The following LANCL3 variants were observed in gnomAD, a reference collection of about 807,000 sequenced individuals.
The protein encoded by LANCL3 is lanC-like protein 3.
In LANCL3, 19 loss-of-function variants were observed where a neutral mutation model predicts 26.5. The observed-to-expected ratio is 0.72, with a 90% CI of 0.50 to 1.05. LANCL3 has a LOEUF of 1.05. Ranked by LOEUF, LANCL3 falls within the 50% of genes least tolerant of loss-of-function variation. The pLI, the probability that LANCL3 is intolerant of heterozygous loss-of-function variation, is 0.00. For synonymous variants in LANCL3, 160 were observed against 166.6 expected (o/e 0.96, Z 0.30); for missense variants, 318 against 362.7 (o/e 0.88, Z 1.00).
intron 1 of LANCL3, among the ~76,000 whole-genome samples, chrX:37,580,184 C>T (rs1236125705): frequency 9.0e-6 from 1 of 111,420 alleles, no homozygotes; most frequent in Non-Finnish European, 1.9e-5. Flanking sequence ...AGGCTGGGTT[C>T]AATTCCTAAT....
intron 3 of LANCL3, among the ~76,000 whole-genome samples, chrX:37,663,787 A>C (rs1926476116): frequency 9.0e-6 from 1 of 111,216 alleles, no homozygotes; most frequent in African/African-American, 3.3e-5. Context: ...GATTGGCTGT[A>C]ATACCCTCCT....
intron 1 of LANCL3, among the ~76,000 whole-genome samples, chrX:37,634,724 A>G (rs1925656426): frequency 8.9e-6 from 1 of 112,360 alleles, no homozygotes; most frequent in African/African-American, 3.2e-5. Context: ...TATTAGATTT[A>G]CTGATTTTGA....
chrX:37,628,199 C>T (rs1556423396), intron 1 of LANCL3, among the ~76,000 whole-genome samples: 1 of 111,526 alleles, frequency 9.0e-6, no homozygotes, highest in Non-Finnish European at 1.9e-5. Flanking sequence ...TATCATGTCT[C>T]TCTAAATATG....
chrX:37,639,109 G>A (rs147083869), intron 1 of LANCL3, among the ~76,000 whole-genome samples: 1,625 of 105,831 alleles, frequency 0.015, 38 homozygotes, highest in African/African-American at 0.052. Context: ...TTATACAAAT[G>A]GGCCTAGGCA....
chrX:37,576,853 T>C (rs1313209805), intron 1 of LANCL3, among the ~76,000 whole-genome samples: 2 of 112,105 alleles, frequency 1.8e-5, no homozygotes, highest in African/African-American at 6.5e-5. Context: ...GTGGCTGCTC[T>C]AAGAACAGGC....
chrX:37,635,889 C>T (rs189811513), intron 1 of LANCL3, among the ~76,000 whole-genome samples: 30 of 110,172 alleles, frequency 2.7e-4, no homozygotes, highest in Non-Finnish European at 5.1e-4. Flanking sequence ...GTTTGGTGTA[C>T]AGATTATTTC....
chrX:37,605,398 G>A (rs1924681657), intron 1 of LANCL3, among the ~76,000 whole-genome samples: 1 of 111,884 alleles, frequency 8.9e-6, no homozygotes, highest in South Asian at 3.8e-4. Flanking sequence ...TTAGACCAAT[G>A]CAAGTATACA....
chrX:37,575,766 C>T (rs782586803), intron 1 of LANCL3, among the ~76,000 whole-genome samples: 162 of 111,966 alleles, frequency 1.4e-3, no homozygotes, highest in African/African-American at 5.0e-3. Context: ...TACTGTGCTG[C>T]ATAGGTTTTG....
At chrX:37,652,397 C>G (rs1336055076) in intron 1 of LANCL3, among the ~76,000 whole-genome samples, 2 of 111,530 alleles carry the variant, frequency 1.8e-5, no homozygotes, top group Admixed American at 9.5e-5. Flanking sequence ...TTATTGCCCT[C>G]TTGTCTCTTC....
At chrX:37,574,350 A>G (rs1406075681) in intron 1 of LANCL3, among the ~76,000 whole-genome samples, 4 of 111,610 alleles carry the variant, frequency 3.6e-5, no homozygotes, top group African/African-American at 6.5e-5. Context: ...TCATTTCTCT[A>G]TAAATAATCT....
At chrX:37,602,498 T>A (rs1924599860) in intron 1 of LANCL3, among the ~76,000 whole-genome samples, 1 of 111,849 alleles carries the variant, frequency 8.9e-6, no homozygotes, top group Non-Finnish European at 1.9e-5. Context: ...AACATGAACA[T>A]CTTGGGGTAT....
chrX:37,641,387 C>T (rs939385014), intron 1 of LANCL3, among the ~76,000 whole-genome samples: 30 of 109,987 alleles, frequency 2.7e-4, no homozygotes, highest in African/African-American at 8.6e-4. Context: ...GGCCATATTA[C>T]GACAAAGCTA....
At chrX:37,635,213 C>G (rs1925672861) in intron 1 of LANCL3, among the ~76,000 whole-genome samples, 2 of 111,719 alleles carry the variant, frequency 1.8e-5, no homozygotes, top group African/African-American at 3.2e-5. Context: ...AACTGACATC[C>G]AGACAGCTAA....
chrX:37,646,624 C>G (rs1925990675), intron 1 of LANCL3, among the ~76,000 whole-genome samples: 1 of 112,037 alleles, frequency 8.9e-6, no homozygotes, highest in Non-Finnish European at 1.9e-5. Flanking sequence ...TGTTTTACTA[C>G]TCTGTTCTGG....
rs1158922887 is a variant in LANCL3 at position 37,675,822 on chromosome X, A to G, written c.*9A>G. 8 of 1,132,523 alleles carry G rather than the reference A, an allele frequency of 7.1e-6. No individual in the cohort carries two copies. Among genetic ancestry groups the G allele is most frequent in the Admixed American group, 5.8e-5 (2 of 34,298 alleles). 93.3% of individuals were successfully genotyped at this position (1,132,523 alleles called of 1,213,427 possible). On this transcript the variant is annotated 3_prime_UTR_variant, in exon 5 of 5. Transcript: ENST00000378619. ...TCAGCGTCTTTGTTTAGAAGGCTCT[A>G]TCTTCCACTGTGGCCCTGCAGAGAT... is the stretch of plus-strand genomic sequence containing the variant.
At chrX:37,594,581 A>G (rs1312933553) in intron 1 of LANCL3, among the ~76,000 whole-genome samples, 1 of 112,290 alleles carries the variant, frequency 8.9e-6, no homozygotes, top group African/African-American at 3.2e-5. Context: ...CCAGAACTCA[A>G]ATTCTTCTCC....
intron 1 of LANCL3, among the ~76,000 whole-genome samples, chrX:37,604,785 A>C (rs968342680): frequency 8.9e-6 from 1 of 112,793 alleles, no homozygotes; most frequent in Non-Finnish European, 1.9e-5. Flanking sequence ...CAGTTCGAAC[A>C]AAGCAAGTCA....
chrX:37,609,757 T>G (rs1473410425), intron 1 of LANCL3, among the ~76,000 whole-genome samples: 1 of 111,393 alleles, frequency 9.0e-6, no homozygotes, highest in African/African-American at 3.3e-5. Context: ...ATATTTACAG[T>G]CACATGAAAG....
chrX:37,616,353 G>A (rs1304461672), intron 1 of LANCL3, among the ~76,000 whole-genome samples: 1 of 111,916 alleles, frequency 8.9e-6, no homozygotes, highest in Non-Finnish European at 1.9e-5. Flanking sequence ...TATAAAATAT[G>A]TGGCTCATAA....
Sources: gnomAD v4.1 joint callset for allele counts (sites outside exome capture counted in the v4.1 genomes callset) on GRCh38, gnomAD v4.1.1 for gene constraint, MANE v1.5 for transcripts, NCBI Gene and HGNC (gene_info 2026-07-23, HGNC 2026-07-21) for gene names.